IGSF11: variants seen among roughly 807,000 people sequenced by gnomAD.
IGSF11 encodes CXADR like 1.
Under a neutral mutation model 41.0 loss-of-function variants are expected in IGSF11, and 22 were observed. The observed-to-expected ratio is 0.54, with a 90% CI of 0.38 to 0.77. The LOEUF (loss-of-function observed/expected upper bound fraction) is 0.77, where lower values mean the gene tolerates loss of function less well. Ranked by LOEUF, IGSF11 falls within the 30% of genes least tolerant of loss-of-function variation. The pLI is 0.00. For missense variants in IGSF11, 444 were observed against 530.8 expected, an observed-to-expected ratio of 0.84 and a Z score of 1.61; for synonymous variants, 219 against 201.3, an observed-to-expected ratio of 1.09 and a Z score of -0.74.
intron 1 of IGSF11, among the ~76,000 whole-genome samples, chr3:119,124,507 C>T (rs73185873): frequency 0.27 from 40,623 of 149,296 alleles, 6,691 homozygotes; most frequent in Middle Eastern, 0.39. Context: ...CCTTAGAGTT[C>T]GAGACCAGCC....
At chr3:119,023,422 T>C (rs1025138918) in intron 1 of IGSF11, among the ~76,000 whole-genome samples, 2 of 152,104 alleles carry the variant, frequency 1.3e-5, no homozygotes, top group African/African-American at 4.8e-5. Context: ...ATCATGCACT[T>C]TTACAGCATA....
chr3:119,087,135 T>A (rs1480748527), intron 1 of IGSF11, among the ~76,000 whole-genome samples: 1 of 151,916 alleles, frequency 6.6e-6, no homozygotes. Flanking sequence ...TTTAAAGCAA[T>A]AAAAATTAAG....
chr3:119,100,423 C>T (rs1416430509), intron 1 of IGSF11, among the ~76,000 whole-genome samples: 1 of 152,156 alleles, frequency 6.6e-6, no homozygotes, highest in Non-Finnish European at 1.5e-5. Context: ...GGCTTTGAGT[C>T]TAGGCAGGTA....
intron 1 of IGSF11, among the ~76,000 whole-genome samples, chr3:119,005,045 C>G (rs943706166): frequency 1.4e-5 from 2 of 147,962 alleles, no homozygotes; most frequent in Non-Finnish European, 3.0e-5. Flanking sequence ...GTTGATCTGT[C>G]CAATGTTGAC....
intron 1 of IGSF11, among the ~76,000 whole-genome samples, chr3:118,991,668 T>C (rs1023453321): frequency 1.3e-5 from 2 of 152,192 alleles, no homozygotes; most frequent in African/African-American, 4.8e-5. Context: ...AAAATGACAA[T>C]GGATATAAGA....
At chr3:119,117,387 G>C (rs9864071) in intron 1 of IGSF11, among the ~76,000 whole-genome samples, 25,557 of 152,086 alleles carry the variant, frequency 0.17, 2,627 homozygotes, top group Non-Finnish European at 0.24. Flanking sequence ...AGCAACTCAC[G>C]TCTTACATGG....
intron 4 of IGSF11, among the ~76,000 whole-genome samples, chr3:118,908,431 G>T (rs1476845850): frequency 1.3e-5 from 2 of 152,098 alleles, no homozygotes; most frequent in African/African-American, 4.8e-5. Context: ...ATGTGACAAG[G>T]CAAAATAGAG....
intron 1 of IGSF11, among the ~76,000 whole-genome samples, chr3:119,090,887 G>A (rs372782375): frequency 6.6e-5 from 10 of 152,212 alleles, no homozygotes; most frequent in South Asian, 6.2e-4. Context: ...ATTGACAAGC[G>A]GGACCTAATT....
At position 119,110,850 on chromosome 3, in the gene IGSF11, A is replaced by G. The variant is rs370941296; in HGVS notation, c.-13-5645T>C. On this transcript the variant is annotated intron_variant, in intron 1 of 7. Transcript: ENST00000425327. ...TATTTTATTTCTCCTTCACTTATGA[A>G]GCTTAGTTTGGCTGGATATGAAATT... is the stretch of plus-strand genomic sequence containing the variant. Among the ~76,000 whole-genome samples the G allele has an allele frequency of 3.4e-4, 52 of 151,574 alleles. No individual in the cohort carries two copies. The East Asian group carries it at 3.7e-3, about 11-fold the overall frequency.
At chr3:118,969,234 A>T (rs1295974848) in intron 1 of IGSF11, among the ~76,000 whole-genome samples, 1 of 152,216 alleles carries the variant, frequency 6.6e-6, no homozygotes, top group Non-Finnish European at 1.5e-5. Flanking sequence ...TAGTGACTAT[A>T]AAAATAAAGA....
Position 118,900,813 on chromosome 3 carries a change from T to C in IGSF11, c.*1707A>G, listed in dbSNP as rs1440444615. 2.6e-5 allele frequency: 4 copies of C among 152,136 alleles called. No individual in the cohort carries two copies. The highest frequency in any genetic ancestry group is 1.9e-4 in the East Asian group (1 of 5,186). The allele number at this position is 152,136 out of a possible 1,614,324, so 9.4% of individuals were successfully genotyped here. A position where few individuals can be genotyped will look rare whatever the true frequency, so the allele number is the denominator to read the frequency against. On this transcript the variant is annotated 3_prime_UTR_variant, in exon 7 of 7. Transcript: ENST00000393775. ...TTTTTACAAAGTAAGAACCATCAAA[T>C]GGAAAAAAAAATAAGTAATGCTAAA...
At chr3:118,970,481 A>G (rs1455632520) in intron 1 of IGSF11, among the ~76,000 whole-genome samples, 3 of 152,234 alleles carry the variant, frequency 2.0e-5, no homozygotes, top group Non-Finnish European at 4.4e-5. Context: ...GAAGGATACT[A>G]CATAAGCAAG....
Position 118,972,393 on chromosome 3 carries a change from T to C in IGSF11, c.53-42118A>G, listed in dbSNP as rs544091245. Among the ~76,000 whole-genome samples the C allele has an allele frequency of 4.6e-5, 7 of 152,344 alleles. No individual in the cohort carries two copies. The South Asian group carries it at 1.4e-3, about 32-fold the overall frequency. ...ATTTTGCAATGTACTTATGACTTCCTAACACACTTACTAGGAGCATTATAC... is the reference window on the plus strand; with the variant it reads ...ATTTTGCAATGTACTTATGACTTCCCAACACACTTACTAGGAGCATTATAC... On this transcript the variant is annotated intron_variant, in intron 1 of 6. Coordinates refer to ENST00000393775, the MANE Select transcript of IGSF11 (RefSeq NM_001015887.3).
chr3:119,052,732 T>C (rs1159269660), intron 1 of IGSF11, among the ~76,000 whole-genome samples: 4 of 150,240 alleles, frequency 2.7e-5, no homozygotes, highest in Non-Finnish European at 5.9e-5. Context: ...TGAACATAGA[T>C]GCAAAAATCC....
chr3:119,004,440 G>A (rs1255436455), intron 1 of IGSF11, among the ~76,000 whole-genome samples: 1 of 151,524 alleles, frequency 6.6e-6, no homozygotes, highest in African/African-American at 2.4e-5. Flanking sequence ...TTTTTTGAAG[G>A]GTTTTGTGTG....
At chr3:119,032,854 T>C (rs1940544942) in intron 1 of IGSF11, among the ~76,000 whole-genome samples, 1 of 152,188 alleles carries the variant, frequency 6.6e-6, no homozygotes, top group Admixed American at 6.5e-5. Context: ...CTCACACGCG[T>C]CTTTGTATTC....
chr3:119,112,841 T>C (rs2077200413), intron 1 of IGSF11: 1 of 152,236 alleles, frequency 6.6e-6, no homozygotes, highest in Non-Finnish European at 1.5e-5. Context: ...TACCTGAGTC[T>C]GGGTAATTTA....
intron 1 of IGSF11, among the ~76,000 whole-genome samples, chr3:119,119,706 A>G (rs973580086): frequency 6.6e-5 from 10 of 152,116 alleles, no homozygotes; most frequent in African/African-American, 2.2e-4. Flanking sequence ...AAAAATTTCA[A>G]TTCTCAGAGT....
chr3:119,067,464 G>A (rs1042411621), intron 1 of IGSF11, among the ~76,000 whole-genome samples: 3 of 152,118 alleles, frequency 2.0e-5, no homozygotes, highest in Non-Finnish European at 4.4e-5. Context: ...ATTTTCAGGA[G>A]GAAATCAACT....
Sources: allele counts gnomAD v4.1 joint callset (sites outside exome capture counted in the v4.1 genomes callset), GRCh38; gene constraint gnomAD v4.1.1; transcripts MANE v1.5; gene names NCBI Gene and HGNC (gene_info 2026-07-23, HGNC 2026-07-21).